Variants in CNTN4 observed in about 807,000 individuals in gnomAD.
The protein encoded by CNTN4 is contactin 4, also known as contactin-4.
CNTN4 carries 77 observed loss-of-function variants against 122.5 expected under a neutral mutation model. The observed-to-expected ratio is 0.63, with a 90% CI of 0.52 to 0.76. The LOEUF (loss-of-function observed/expected upper bound fraction) is 0.76, where lower values mean the gene tolerates loss of function less well. Among genes scored for constraint, CNTN4 ranks in the 30% least tolerant of loss-of-function variants. CNTN4 has a pLI of 0.00. For synonymous variants in CNTN4, 512 were observed against 447.0 expected, an observed-to-expected ratio of 1.15 and a Z score of -1.83; for missense variants, 1,256 against 1,259.1, an observed-to-expected ratio of 1.00 and a Z score of 0.04.
chr3:2,566,816 G>C (rs1264305329), intron 3 of CNTN4, among the ~76,000 whole-genome samples: 1 of 152,164 alleles, frequency 6.6e-6, no homozygotes, highest in Non-Finnish European at 1.5e-5. Context: ...GAAGAACTCA[G>C]TGTGCGTGAA....
intron 7 of CNTN4, among the ~76,000 whole-genome samples, chr3:2,864,740 CAAA>C (rs56398439): frequency 1.8e-5 from 1 of 54,700 alleles, no homozygotes; most frequent in Admixed American, 2.3e-4. Context: ...AACTCCATCT[CAAA>C]AAAAAAAAAA....
intron 4 of CNTN4, among the ~76,000 whole-genome samples, chr3:2,681,746 ATCAC>A (rs1004734084): frequency 8.6e-5 from 13 of 152,030 alleles, no homozygotes; most frequent in African/African-American, 1.7e-4. Flanking sequence ...TTTTCTAATA[ATCAC>A]TCAGTTTCTA....
At position 2,340,719 on chromosome 3, in the gene CNTN4, A is replaced by AGAGAGAGAGAGAGAGAGGGG; in HGVS notation, c.-89+1503_-89+1504insGGGGAGAGAGAGAGAGAGAG. The stretch of plus-strand genomic sequence containing the variant: ...TATATATATATATATATAGAGAGAG[A>AGAGAGAGAGAGAGAGAGGGG]GAGAGAGAGAGAGAGAGAGAGTCAG... On this transcript the variant is annotated intron_variant, in intron 3 of 24. Coordinates refer to ENST00000418658, the MANE Select transcript of CNTN4 (RefSeq NM_175607.3). Among the ~76,000 whole-genome samples the AGAGAGAGAGAGAGAGAGGGG allele has an allele frequency of 1.5e-5, 2 of 134,884 alleles. 1 individual carries two copies. Among genetic ancestry groups the AGAGAGAGAGAGAGAGAGGGG allele is most frequent in the African/African-American group, 5.3e-5 (2 of 37,660 alleles). The allele number at this position is 134,884 out of a possible 152,430, so 88.5% of individuals were successfully genotyped here. A position where few individuals can be genotyped will look rare whatever the true frequency, so the allele number is the denominator to read the frequency against.
intron 4 of CNTN4, among the ~76,000 whole-genome samples, chr3:2,662,469 G>C (rs2083943814): frequency 2.0e-5 from 3 of 152,182 alleles, no homozygotes; most frequent in Admixed American, 2.0e-4. Context: ...GGAACACTGT[G>C]CAAGATGCTT....
rs1178716540 is a variant in CNTN4, at chr3:2,180,063, GATGGT to G, written c.-145+79425_-145+79429del. ...TAGGTAGCTTATGGCTGCTGAATTA[GATGGT>G]GCATATATGTTGATTGTATCTACAT... On this transcript the variant is annotated intron_variant, in intron 2 of 24. Transcript: ENST00000418658. Among the ~76,000 whole-genome samples the G allele has an allele frequency of 1.6e-3, 245 of 152,032 alleles. 1 individual carries two copies. The highest frequency in any genetic ancestry group is 5.8e-3 in the African/African-American group (239 of 41,512).
intron 8 of CNTN4, among the ~76,000 whole-genome samples, chr3:2,878,197 T>C (rs937543518): frequency 2.0e-5 from 3 of 152,192 alleles, no homozygotes; most frequent in African/African-American, 7.2e-5. Context: ...GCCATAAATA[T>C]GGATCACTGT....
intron 4 of CNTN4, among the ~76,000 whole-genome samples, chr3:2,617,766 T>G (rs910373798): frequency 1.3e-5 from 2 of 152,074 alleles, no homozygotes; most frequent in Non-Finnish European, 2.9e-5. Flanking sequence ...TCATGGCTAA[T>G]TCAAGGAATA....
chr3:2,607,236 T>C (rs1406252129), intron 4 of CNTN4, among the ~76,000 whole-genome samples: 1 of 152,206 alleles, frequency 6.6e-6, no homozygotes, highest in African/African-American at 2.4e-5. Flanking sequence ...AATTTGAACA[T>C]TCCACTGAAG....
intron 4 of CNTN4, among the ~76,000 whole-genome samples, chr3:2,646,073 C>T (rs1262475388): frequency 1.3e-5 from 2 of 152,044 alleles, no homozygotes; most frequent in East Asian, 1.9e-4. Context: ...ATTGGGAAAC[C>T]GATTTTGTCT....
chr3:2,778,112 G>A (rs1358378816), intron 6 of CNTN4, among the ~76,000 whole-genome samples: 1 of 141,550 alleles, frequency 7.1e-6, no homozygotes, highest in Non-Finnish European at 1.5e-5. Flanking sequence ...TACTCAGGAG[G>A]CTGAGGCAGG....
intron 3 of CNTN4, among the ~76,000 whole-genome samples, chr3:2,527,838 T>C (rs1197994621): frequency 6.6e-6 from 1 of 152,136 alleles, no homozygotes; most frequent in African/African-American, 2.4e-5. Context: ...TCCCCCACAG[T>C]TGGATACTTG....
At chr3:2,551,967 C>A (rs953909232) in intron 3 of CNTN4, among the ~76,000 whole-genome samples, 6 of 152,122 alleles carry the variant, frequency 3.9e-5, no homozygotes, top group African/African-American at 1.4e-4. Context: ...TGTCTTGCTA[C>A]CTGACCGTTA....
At chr3:2,188,943 C>A (rs776518810) in intron 2 of CNTN4, among the ~76,000 whole-genome samples, 12 of 152,132 alleles carry the variant, frequency 7.9e-5, no homozygotes, top group Non-Finnish European at 1.8e-4. Context: ...GCCCCAAGTT[C>A]TTGAGAGTTG....
At chr3:2,113,504 A>G (rs1433875115) in intron 2 of CNTN4, among the ~76,000 whole-genome samples, 1 of 152,194 alleles carries the variant, frequency 6.6e-6, no homozygotes, top group East Asian at 1.9e-4. Flanking sequence ...GATTTTTATT[A>G]AAGATTGATA....
At chr3:2,937,317 G>T (rs2094575690) in intron 13 of CNTN4, among the ~76,000 whole-genome samples, 1 of 152,118 alleles carries the variant, frequency 6.6e-6, no homozygotes, top group African/African-American at 2.4e-5. Flanking sequence ...TTCTTTTCAT[G>T]CCCCCAAAAT....
In CNTN4 at chr3:2,217,972, T is replaced by C. The variant is rs547939175; in HGVS notation, c.-145+117333T>C. ...CTATCAGAGGGAGTCAAGTAACAGATAAATAACGAAATTTGTGAAAAATTG... is the reference window on the plus strand; with the variant it reads ...CTATCAGAGGGAGTCAAGTAACAGACAAATAACGAAATTTGTGAAAAATTG... On this transcript the variant is annotated intron_variant, in intron 2 of 24. Transcript: ENST00000418658. Among the ~76,000 whole-genome samples the C allele has an allele frequency of 2.0e-5, 3 of 152,262 alleles. No homozygotes were observed. In the East Asian group the frequency reaches 5.8e-4, roughly 29 times the overall value.
rs768076746 is a variant in CNTN4, at chr3:3,043,088, T to C, written c.2623T>C (p.Leu875=). The C allele has an allele frequency of 1.9e-6, 3 of 1,614,118 alleles. No homozygotes were observed. Among genetic ancestry groups the C allele is most frequent in the African/African-American group, 2.7e-5 (2 of 74,936 alleles). ...CTTAAAAGGCAGTGTGCTGTATCAC[T>C]TAGCTGTCAAGGCATATAATTCTGC... ...TNLKGSVLYH[L]AVKAYNSAGT... is the part of the protein sequence containing the mutation. The change falls in exon 22 of 25, where the codon TTA becomes CTA. Residue 875 remains leucine (L), a synonymous_variant. Coordinates refer to ENST00000418658, the MANE Select transcript of CNTN4 (RefSeq NM_175607.3).
At chr3:2,421,275 A>G (rs562038591) in intron 3 of CNTN4, among the ~76,000 whole-genome samples, 26 of 134,620 alleles carry the variant, frequency 1.9e-4, no homozygotes, top group Admixed American at 1.6e-3. Context: ...TTCCTTGACT[A>G]GGAGTCTGGC....
chr3:3,055,779 GAT>G (rs1701728831), intron 24 of CNTN4, among the ~76,000 whole-genome samples: 1 of 152,204 alleles, frequency 6.6e-6, no homozygotes, highest in South Asian at 2.1e-4. Context: ...CCAGCAGAAA[GAT>G]AGAGTTCAAA....
Sources: gnomAD v4.1 joint callset for allele counts (sites outside exome capture counted in the v4.1 genomes callset) on GRCh38, gnomAD v4.1.1 for gene constraint, MANE v1.5 for transcripts, NCBI Gene and HGNC (gene_info 2026-07-23, HGNC 2026-07-21) for gene names.